CSGALNACT1: variants seen among roughly 807,000 people sequenced by gnomAD.
The protein encoded by CSGALNACT1 is chondroitin sulfate N-acetylgalactosaminyltransferase 1.
CSGALNACT1 carries 52 observed loss-of-function variants against 51.0 expected under a neutral mutation model. That is an observed-to-expected ratio of 1.02 (90% CI 0.82 to 1.29). CSGALNACT1 has a LOEUF of 1.29. Among genes scored for constraint, CSGALNACT1 ranks in the 50% most tolerant of loss-of-function variants. CSGALNACT1 has a pLI of 0.00. For missense variants in CSGALNACT1, 935 were observed against 679.2 expected, an observed-to-expected ratio of 1.38 and a Z score of -4.19; for synonymous variants, 341 against 254.4, an observed-to-expected ratio of 1.34 and a Z score of -3.24.
chr8:19,694,679 A>C (rs930124720), intron 1 of CSGALNACT1, among the ~76,000 whole-genome samples: 3 of 152,198 alleles, frequency 2.0e-5, no homozygotes, highest in Non-Finnish European at 4.4e-5. Flanking sequence ...ATGCTAAATA[A>C]ACTTCTAGAA....
intron 4 of CSGALNACT1, among the ~76,000 whole-genome samples, chr8:19,500,879 C>T (rs2076294349): frequency 6.6e-6 from 1 of 152,160 alleles, no homozygotes; most frequent in Non-Finnish European, 1.5e-5. Flanking sequence ...AAGATCAAGG[C>T]CCAGGCAGGT....
At chr8:19,725,182 G>T (rs1589709955) in intron 1 of CSGALNACT1, among the ~76,000 whole-genome samples, 2 of 152,280 alleles carry the variant, frequency 1.3e-5, no homozygotes, top group East Asian at 1.9e-4. Flanking sequence ...CCATTTTCAG[G>T]CAGGTGCGGA....
chr8:19,457,106 C>G (rs575734732), intron 5 of CSGALNACT1, among the ~76,000 whole-genome samples: 93 of 152,232 alleles, frequency 6.1e-4, no homozygotes, highest in Non-Finnish European at 9.4e-4. Context: ...CCTAGAGAAC[C>G]CTACGTCAGA....
At chr8:19,718,246 G>A (rs1410142175) in intron 1 of CSGALNACT1, among the ~76,000 whole-genome samples, 1 of 152,022 alleles carries the variant, frequency 6.6e-6, no homozygotes, top group Non-Finnish European at 1.5e-5. Context: ...GGTGCCTGCT[G>A]CCACACCCCT....
chr8:19,409,139 G>A (rs1407314670), intron 8 of CSGALNACT1, among the ~76,000 whole-genome samples: 1 of 152,192 alleles, frequency 6.6e-6, no homozygotes, highest in African/African-American at 2.4e-5. Context: ...TGAGAAAAGG[G>A]ATAGAGAACA....
chr8:19,549,027 T>C (rs1264516607), intron 3 of CSGALNACT1, among the ~76,000 whole-genome samples: 1 of 152,132 alleles, frequency 6.6e-6, no homozygotes, highest in South Asian at 2.1e-4. Context: ...ATGTTGCCCA[T>C]GTTGGTCTCC....
intron 3 of CSGALNACT1, among the ~76,000 whole-genome samples, chr8:19,528,114 A>C (rs2082055490): frequency 6.6e-6 from 1 of 152,120 alleles, no homozygotes; most frequent in South Asian, 2.1e-4. Flanking sequence ...GCTCTGCCTG[A>C]GTAGGTTTGA....
chr8:19,679,872 C>A (rs1290665370), intron 1 of CSGALNACT1, among the ~76,000 whole-genome samples: 1 of 152,168 alleles, frequency 6.6e-6, no homozygotes, highest in Non-Finnish European at 1.5e-5. Context: ...ATTTCCTACC[C>A]TATAAAAGTG....
At chr8:19,535,817 G>C (rs574135195) in intron 3 of CSGALNACT1, among the ~76,000 whole-genome samples, 9 of 152,234 alleles carry the variant, frequency 5.9e-5, no homozygotes, top group African/African-American at 2.2e-4. Flanking sequence ...AGCAAGAATA[G>C]AGGGAATTTC....
upstream of CSGALNACT1, among the ~76,000 whole-genome samples, chr8:19,606,951 C>A (rs1023992465): frequency 6.6e-6 from 1 of 151,988 alleles, no homozygotes; most frequent in Non-Finnish European, 1.5e-5. Flanking sequence ...GTCAGGAGAT[C>A]GAGATCATCC....
At chr8:19,731,227 G>T (rs1589738038) in intron 1 of CSGALNACT1, among the ~76,000 whole-genome samples, 1 of 151,730 alleles carries the variant, frequency 6.6e-6, no homozygotes, top group Non-Finnish European at 1.5e-5. Context: ...AAGCTCCTTG[G>T]CCAGCCGCAG....
intron 1 of CSGALNACT1, among the ~76,000 whole-genome samples, chr8:19,664,407 C>A (rs1564377602): frequency 6.6e-6 from 1 of 152,138 alleles, no homozygotes; most frequent in Non-Finnish European, 1.5e-5. Flanking sequence ...TTAGTACAGC[C>A]TTCAAGGAAG....
intron 4 of CSGALNACT1, among the ~76,000 whole-genome samples, chr8:19,476,824 G>C (rs1328100905): frequency 1.3e-5 from 2 of 152,154 alleles, no homozygotes; most frequent in African/African-American, 2.4e-5. Context: ...CAGCAGTCCA[G>C]ATGCCGGACA....
chr8:19,739,248 AT>A (rs1012312122), intron 1 of CSGALNACT1, among the ~76,000 whole-genome samples: 19 of 152,008 alleles, frequency 1.2e-4, no homozygotes, highest in African/African-American at 4.6e-4. Flanking sequence ...GTCACAAAAA[AT>A]AATTGTGATT....
At chr8:19,662,074 ACCCCCCCCCCCCC>A (rs1159242984) in intron 1 of CSGALNACT1, among the ~76,000 whole-genome samples, 9 of 35,016 alleles carry the variant, frequency 2.6e-4, no homozygotes, top group Non-Finnish European at 4.3e-4. Flanking sequence ...ACCCCCCCCC[ACCCCCCCCCCCCC>A]CCGCATCTTC....
chr8:19,604,975 T>C (rs1331114549), upstream of CSGALNACT1, among the ~76,000 whole-genome samples: 1 of 149,644 alleles, frequency 6.7e-6, no homozygotes, highest in African/African-American at 2.5e-5. Flanking sequence ...ATGGAAGTGG[T>C]AGCTAGGTAT....
chr8:19,439,006 C>T (rs2060856218), intron 6 of CSGALNACT1, among the ~76,000 whole-genome samples: 1 of 152,114 alleles, frequency 6.6e-6, no homozygotes, highest in African/African-American at 2.4e-5. Context: ...CCCTGAGTAC[C>T]ACTGGCCATA....
chr8:19,408,561 C>A, intron 9 of CSGALNACT1, 52 bp downstream of exon 8: 1 of 1,453,152 alleles, frequency 6.9e-7, no homozygotes, highest in Non-Finnish European at 9.6e-7. Context: ...CCTTCAAGGC[C>A]TACATGGGCC....
At chr8:19,669,675 A>G (rs914337931) in intron 1 of CSGALNACT1, among the ~76,000 whole-genome samples, 1 of 152,144 alleles carries the variant, frequency 6.6e-6, no homozygotes, top group Non-Finnish European at 1.5e-5. Context: ...GGGTTTCACC[A>G]CATTGGCCAG....
Sources: allele counts gnomAD v4.1 joint callset (sites outside exome capture counted in the v4.1 genomes callset), GRCh38; gene constraint gnomAD v4.1.1; transcripts MANE v1.5; gene names NCBI Gene and HGNC (gene_info 2026-07-23, HGNC 2026-07-21).